CCSER1: variants seen among roughly 807,000 people sequenced by gnomAD.
The protein encoded by CCSER1 is coiled-coil serine rich protein 1.
In CCSER1, 41 loss-of-function variants were observed where a neutral mutation model predicts 82.0. That is an observed-to-expected ratio of 0.50 (90% CI 0.39 to 0.65). The LOEUF is 0.65. Among genes scored for constraint, CCSER1 ranks in the 30% least tolerant of loss-of-function variants. The probability of loss-of-function intolerance (pLI) is 0.00; values close to 1 mark genes in which losing one functional copy is unlikely to be tolerated. For synonymous variants in CCSER1, 414 were observed against 383.9 expected, an observed-to-expected ratio of 1.08 and a Z score of -0.92; for missense variants, 1,119 against 1,064.2, an observed-to-expected ratio of 1.05 and a Z score of -0.72.
intron 3 of CCSER1, among the ~76,000 whole-genome samples, chr4:90,352,270 G>A (rs1302847725): frequency 6.6e-6 from 1 of 152,144 alleles, no homozygotes; most frequent in Non-Finnish European, 1.5e-5. Flanking sequence ...CTTGCAATGA[G>A]CTGAGATTGC....
intron 10 of CCSER1, among the ~76,000 whole-genome samples, chr4:91,514,625 C>CAA (rs34607829): frequency 1.3e-5 from 2 of 151,688 alleles, no homozygotes; most frequent in African/African-American, 4.8e-5. Context: ...AATCTGGGTT[C>CAA]AAAAATAGAT....
chr4:90,697,794 T>C (rs1437001126), intron 6 of CCSER1, among the ~76,000 whole-genome samples: 1 of 152,128 alleles, frequency 6.6e-6, no homozygotes, highest in Non-Finnish European at 1.5e-5. Flanking sequence ...CAAAAGTCTT[T>C]TCACCCTATA....
chr4:90,769,474 T>A (rs7665421), intron 7 of CCSER1, among the ~76,000 whole-genome samples: 1,616 of 152,304 alleles, frequency 0.011, 30 homozygotes, highest in African/African-American at 0.037. Context: ...TGGAGAATTA[T>A]ACAAAGTCTT....
At chr4:90,724,550 C>T (rs959464399) in intron 7 of CCSER1, 9 of 221,232 alleles carry the variant, frequency 4.1e-5, no homozygotes, top group African/African-American at 7.1e-5. Flanking sequence ...ATAACAAATA[C>T]GAAGTCTTGT....
At chr4:90,909,772 A>G (rs531377591) in intron 8 of CCSER1, among the ~76,000 whole-genome samples, 2 of 152,316 alleles carry the variant, frequency 1.3e-5, no homozygotes, top group Admixed American at 1.3e-4. Flanking sequence ...CTTAAGTACT[A>G]AAGAAATCAA....
intron 5 of CCSER1, among the ~76,000 whole-genome samples, chr4:90,528,167 A>C (rs975874604): frequency 6.6e-6 from 1 of 152,182 alleles, no homozygotes; most frequent in Non-Finnish European, 1.5e-5. Context: ...TGCAATATGA[A>C]AATATACATT....
intron 4 of CCSER1, among the ~76,000 whole-genome samples, chr4:90,428,727 C>T (rs191365178): frequency 1.3e-4 from 19 of 151,932 alleles, no homozygotes; most frequent in African/African-American, 4.1e-4. Flanking sequence ...AGTGAAACCA[C>T]GCAGCTGAAA....
intron 1 of CCSER1, among the ~76,000 whole-genome samples, chr4:90,200,434 T>G (rs1455656410): frequency 1.3e-5 from 2 of 152,020 alleles, no homozygotes; most frequent in African/African-American, 4.8e-5. Context: ...TTTTCCTTAT[T>G]TAGAGGATTT....
At chr4:90,884,385 C>T (rs1721805254) in intron 8 of CCSER1, among the ~76,000 whole-genome samples, 1 of 152,146 alleles carries the variant, frequency 6.6e-6, no homozygotes, top group Non-Finnish European at 1.5e-5. Flanking sequence ...TGTATATACA[C>T]ACACGCACAT....
rs139171095 is a variant in CCSER1, at chr4:90,722,299, A to T, written c.1933-1615A>T. Among the ~76,000 whole-genome samples the T allele has an allele frequency of 3.3e-5, 5 of 151,982 alleles. No homozygotes were observed. The East Asian group carries it at 7.7e-4, about 23-fold the overall frequency. ...TATCGAATAATTCAACTATGAACGA[A>T]CTGTGTTCTGTCACTTGCTTAAATT... On this transcript the variant is annotated intron_variant, in intron 6 of 10. Transcript: ENST00000509176.
intron 7 of CCSER1, among the ~76,000 whole-genome samples, chr4:90,795,838 A>AT (rs1392426455): frequency 6.6e-6 from 1 of 151,212 alleles, no homozygotes; most frequent in African/African-American, 2.4e-5. Flanking sequence ...CATCTCATGG[A>AT]TAAAGCCTAC....
chr4:91,112,958 G>T (rs1203095110), intron 10 of CCSER1, among the ~76,000 whole-genome samples: 4 of 152,194 alleles, frequency 2.6e-5, no homozygotes, highest in African/African-American at 9.6e-5. Context: ...CTTCAGCTAA[G>T]ACGTAATGAG....
intron 10 of CCSER1, among the ~76,000 whole-genome samples, chr4:91,532,865 G>C (rs552559513): frequency 2.0e-4 from 29 of 147,676 alleles, no homozygotes; most frequent in African/African-American, 7.3e-4. Context: ...ATGAAACCCT[G>C]TCTCATAAAA....
chr4:90,384,769 G>T (rs1000270156), intron 3 of CCSER1, among the ~76,000 whole-genome samples: 1 of 152,104 alleles, frequency 6.6e-6, no homozygotes, highest in Non-Finnish European at 1.5e-5. Context: ...TGGGGGTGCA[G>T]GTGGTTTTTG....
intron 5 of CCSER1, among the ~76,000 whole-genome samples, chr4:90,551,743 C>G (rs1284884840): frequency 8.9e-6 from 1 of 112,278 alleles, no homozygotes; most frequent in East Asian, 2.5e-4. Context: ...TACCTGTATT[C>G]TTGTCTCTTA....
At chr4:90,369,266 G>A (rs1237070674) in intron 3 of CCSER1, among the ~76,000 whole-genome samples, 4 of 123,540 alleles carry the variant, frequency 3.2e-5, no homozygotes, top group African/African-American at 1.3e-4. Flanking sequence ...TGAGGAGGAA[G>A]AAAGAAGAAG....
chr4:90,280,251 G>T (rs2153459975), intron 1 of CCSER1, among the ~76,000 whole-genome samples: 1 of 152,100 alleles, frequency 6.6e-6, no homozygotes, highest in East Asian at 1.9e-4. Flanking sequence ...TAGACAAACT[G>T]TAATGATGAA....
At chr4:90,373,971 G>T (rs570539008) in intron 3 of CCSER1, among the ~76,000 whole-genome samples, 1 of 152,234 alleles carries the variant, frequency 6.6e-6, no homozygotes, top group Admixed American at 6.5e-5. Flanking sequence ...AGAAAATGCC[G>T]ATACTCTAGA....
At chr4:91,421,197 T>C (rs1222275364) in intron 10 of CCSER1, among the ~76,000 whole-genome samples, 1 of 152,150 alleles carries the variant, frequency 6.6e-6, no homozygotes, top group Non-Finnish European at 1.5e-5. Flanking sequence ...AGGGTATACA[T>C]AGATATATAA....
Sources: gnomAD v4.1 joint callset for allele counts (sites outside exome capture counted in the v4.1 genomes callset) on GRCh38, gnomAD v4.1.1 for gene constraint, MANE v1.5 for transcripts, NCBI Gene and HGNC (gene_info 2026-07-23, HGNC 2026-07-21) for gene names.